The following MTMR7 variants were observed in gnomAD, a reference collection of about 807,000 sequenced individuals.
MTMR7 encodes the protein phosphatidylinositol-3-phosphate phosphatase MTMR7.
Under a neutral mutation model 81.2 loss-of-function variants are expected in MTMR7, and 76 were observed. The observed-to-expected ratio is 0.94, with a 90% CI of 0.78 to 1.13. The LOEUF (loss-of-function observed/expected upper bound fraction) is 1.13, where lower values mean the gene tolerates loss of function less well. Among genes scored for constraint, MTMR7 ranks in the 50% most tolerant of loss-of-function variants. The probability of loss-of-function intolerance (pLI) is 0.00; values close to 1 mark genes in which losing one functional copy is unlikely to be tolerated. For synonymous variants in MTMR7, 372 were observed against 289.8 expected, an observed-to-expected ratio of 1.28 and a Z score of -2.88; for missense variants, 1,044 against 820.0, an observed-to-expected ratio of 1.27 and a Z score of -3.34.
At chr8:17,385,001 G>C (rs1270512950) in intron 1 of MTMR7, among the ~76,000 whole-genome samples, 1 of 152,186 alleles carries the variant, frequency 6.6e-6, no homozygotes, top group South Asian at 2.1e-4. Flanking sequence ...GTATAATGAA[G>C]AAAAAATGCT....
At chr8:17,402,380 C>A (rs561561305) in intron 1 of MTMR7, among the ~76,000 whole-genome samples, 2 of 152,144 alleles carry the variant, frequency 1.3e-5, no homozygotes, top group African/African-American at 2.4e-5. Context: ...TTAACAATTG[C>A]CACTATCCGC....
intron 4 of MTMR7, among the ~76,000 whole-genome samples, chr8:17,351,595 C>T (rs139384270): frequency 2.0e-5 from 3 of 152,340 alleles, no homozygotes; most frequent in African/African-American, 7.2e-5. Context: ...AACCTGCGCC[C>T]AGTCACCAAT....
chr8:17,361,137 C>T lies in MTMR7; in HGVS notation c.448G>A (p.Asp150Asn). 2 of 1,614,154 alleles carry T rather than the reference C, an allele frequency of 1.2e-6. No homozygotes were observed. The highest frequency in any genetic ancestry group is 1.7e-6 in the Non-Finnish European group (2 of 1,180,010). ...CTCACTCTGTAGTCTCTATTCACAT[C>T]GCTGAGCTGCCAGTAATGATTAGGG... ...GLPNHYWQLS[D>N]VNRDYRVCDS... is the part of the protein sequence containing the mutation. The change falls in exon 4 of 14, where the codon GAT becomes AAT. Residue 150 changes from aspartate to asparagine, a missense_variant. Transcript: ENST00000180173.
rs757889493 is a variant in MTMR7 at position 17,305,864 on chromosome 8, A to C, written c.1245T>G (p.Cys415Trp). 1 of 1,613,680 alleles carries C rather than the reference A, an allele frequency of 6.2e-7. No homozygotes were observed. Among genetic ancestry groups the C allele is most frequent in the Non-Finnish European group, 8.5e-7 (1 of 1,179,648 alleles). ...AAAACCTCTCATTGAACTCAAAGGC[A>C]CAGGGAAATTGTTCCATTAACTGCC... ...CVWQLMEQFP[C>W]AFEFNERFLI... The change falls in exon 11 of 14, where the codon TGT becomes TGG. Residue 415 changes from cysteine (C) to tryptophan (W), a missense_variant. Transcript: ENST00000180173.
chr8:17,386,528 A>G (rs1304804005), intron 1 of MTMR7, among the ~76,000 whole-genome samples: 1 of 152,200 alleles, frequency 6.6e-6, no homozygotes, highest in Admixed American at 6.5e-5. Flanking sequence ...TCATACGTCT[A>G]CAAAGGTCAG....
chr8:17,407,980 C>T (rs138547474), intron 1 of MTMR7, among the ~76,000 whole-genome samples: 62 of 152,232 alleles, frequency 4.1e-4, no homozygotes, highest in African/African-American at 1.3e-3. Flanking sequence ...ACGGTGAAAA[C>T]AGAATTGTAT....
intron 7 of MTMR7, among the ~76,000 whole-genome samples, chr8:17,319,933 G>C (rs1301826201): frequency 6.6e-6 from 1 of 152,096 alleles, no homozygotes; most frequent in Non-Finnish European, 1.5e-5. Flanking sequence ...GTCACATGTG[G>C]CTACGAAACA....
chr8:17,377,902 G>A (rs1208049074), intron 1 of MTMR7, among the ~76,000 whole-genome samples: 1 of 152,118 alleles, frequency 6.6e-6, no homozygotes, highest in African/African-American at 2.4e-5. Flanking sequence ...GAAAGTATGG[G>A]AGGAGAAAAA....
chr8:17,327,790 T>C (rs1818765534), intron 7 of MTMR7, among the ~76,000 whole-genome samples: 1 of 152,218 alleles, frequency 6.6e-6, no homozygotes, highest in Admixed American at 6.5e-5. Flanking sequence ...AAATGGTACT[T>C]TGAGGTTTTA....
At chr8:17,394,420 A>T (rs971660302) in intron 1 of MTMR7, among the ~76,000 whole-genome samples, 9 of 152,198 alleles carry the variant, frequency 5.9e-5, no homozygotes, top group African/African-American at 1.7e-4. Context: ...GAAAATCTTA[A>T]GTTACGCTTA....
intron 1 of MTMR7, among the ~76,000 whole-genome samples, chr8:17,400,718 T>C (rs1409275462): frequency 6.6e-6 from 1 of 152,182 alleles, no homozygotes; most frequent in East Asian, 1.9e-4. Context: ...GTTGAGGAGG[T>C]AGTCACTGTA....
At chr8:17,346,732 C>T (rs1819562355) in intron 5 of MTMR7, among the ~76,000 whole-genome samples, 1 of 150,236 alleles carries the variant, frequency 6.7e-6, no homozygotes, top group Admixed American at 6.6e-5. Context: ...ACCTCTGAAA[C>T]AACAATAAAA....
chr8:17,377,065 G>T (rs1478285340), intron 1 of MTMR7, among the ~76,000 whole-genome samples: 2 of 150,080 alleles, frequency 1.3e-5, no homozygotes, highest in African/African-American at 2.5e-5. Context: ...TTTTTCTTTT[G>T]CATCTATACT....
intron 1 of MTMR7, among the ~76,000 whole-genome samples, chr8:17,385,597 T>C (rs1353479780): frequency 6.6e-6 from 1 of 152,204 alleles, no homozygotes; most frequent in Non-Finnish European, 1.5e-5. Context: ...CTCTTCCCTT[T>C]ATAAATTACC....
At chr8:17,315,376 T>C (rs1185168654) in intron 7 of MTMR7, among the ~76,000 whole-genome samples, 1 of 150,818 alleles carries the variant, frequency 6.6e-6, no homozygotes, top group Non-Finnish European at 1.5e-5. Flanking sequence ...CAAGAATGTT[T>C]AGGGCAGAAA....
At chr8:17,410,086 T>C (rs753223826) in intron 1 of MTMR7, among the ~76,000 whole-genome samples, 26 of 152,090 alleles carry the variant, frequency 1.7e-4, no homozygotes, top group Non-Finnish European at 3.2e-4. Flanking sequence ...CATGATCAAT[T>C]TGAGACATAA....
chr8:17,381,930 C>T (rs892861994), intron 1 of MTMR7, among the ~76,000 whole-genome samples: 2 of 152,190 alleles, frequency 1.3e-5, no homozygotes, highest in African/African-American at 4.8e-5. Flanking sequence ...GCAGTTTAGA[C>T]ATTATCCCTG....
chr8:17,377,563 T>C lies in MTMR7; in HGVS notation c.25-4323A>G, dbSNP rs571263916. ...TAATAAATGTTTTAACTTGCTTTGC[T>C]TGGGCATGCCATGTGGTTTTTGTCT... is the stretch of plus-strand genomic sequence containing the variant. On this transcript the variant is annotated intron_variant, in intron 1 of 13. Coordinates refer to ENST00000180173, the MANE Select transcript of MTMR7 (RefSeq NM_004686.5). Among the ~76,000 whole-genome samples the C allele has an allele frequency of 5.3e-5, 8 of 151,880 alleles. No homozygotes were observed. The South Asian group carries it at 1.7e-3, about 32-fold the overall frequency.
chr8:17,395,373 T>C lies in MTMR7; in HGVS notation c.24+17896A>G, dbSNP rs991833216. 4.6e-5 allele frequency among the ~76,000 whole-genome samples: 7 copies of C among 152,368 alleles called. No individual in the cohort carries two copies. In the East Asian group the frequency reaches 5.8e-4, roughly 13 times the overall value. ...TTGGCTATTGTGAATAATGCAGCTA[T>C]GAACATGGGCATACCAGTATCTGTT... On this transcript the variant is annotated intron_variant, in intron 1 of 13. Coordinates refer to ENST00000180173, the MANE Select transcript of MTMR7 (RefSeq NM_004686.5).
Sources: gnomAD v4.1 joint callset for allele counts (sites outside exome capture counted in the v4.1 genomes callset) on GRCh38, gnomAD v4.1.1 for gene constraint, MANE v1.5 for transcripts, NCBI Gene and HGNC (gene_info 2026-07-23, HGNC 2026-07-21) for gene names.